PDE1C: variants seen among roughly 807,000 people sequenced by gnomAD.
PDE1C encodes the protein phosphodiesterase 1C.
Under a neutral mutation model 93.1 loss-of-function variants are expected in PDE1C, and 62 were observed. The ratio of observed to expected loss-of-function variants is 0.67; its 90% confidence interval spans 0.54 to 0.82. The LOEUF is 0.82. Among genes scored for constraint, PDE1C ranks in the 40% least tolerant of loss-of-function variants. The pLI, the probability that PDE1C is intolerant of heterozygous loss-of-function variation, is 0.00. For missense variants in PDE1C, 742 were observed against 884.6 expected (o/e 0.84, Z 2.04); for synonymous variants, 325 against 310.1 (o/e 1.05, Z -0.50).
rs776270248 is a variant in PDE1C, at chr7:31,809,128, C to A, written c.1814-20G>T. 1.4e-6 allele frequency: 2 copies of A among 1,386,180 alleles called. No individual in the cohort carries two copies. The highest frequency in any genetic ancestry group is 2.3e-5 in the East Asian group (1 of 43,484). 85.9% of individuals were successfully genotyped at this position (1,386,180 alleles called of 1,614,324 possible). A position where few individuals can be genotyped will look rare whatever the true frequency, so the allele number is the denominator to read the frequency against. On this transcript the variant is annotated intron_variant, in intron 15 of 17. Transcript: ENST00000396191. The stretch of plus-strand genomic sequence containing the variant: ...AGTCACCTGAAAGTAATAAACATGA[C>A]AAACAGTATATGTATGCAGCTGAGG...
chr7:32,127,371 G>A (rs867221950), intron 3 of PDE1C, among the ~76,000 whole-genome samples: 1 of 152,040 alleles, frequency 6.6e-6, no homozygotes, highest in Non-Finnish European at 1.5e-5. Flanking sequence ...TAATGTAGAA[G>A]ACCAATTTAA....
At chr7:32,013,069 A>G (rs1462642473) in intron 2 of PDE1C, among the ~76,000 whole-genome samples, 1 of 152,224 alleles carries the variant, frequency 6.6e-6, no homozygotes, top group Non-Finnish European at 1.5e-5. Flanking sequence ...TGTACAACTC[A>G]TATTTTTAGA....
intron 2 of PDE1C, among the ~76,000 whole-genome samples, chr7:32,024,611 G>A (rs988187822): frequency 6.6e-6 from 1 of 151,964 alleles, no homozygotes; most frequent in Non-Finnish European, 1.5e-5. Flanking sequence ...CAACAACTAA[G>A]AGAGAGCAAA....
the PDE1C span, among the ~76,000 whole-genome samples, chr7:31,732,880 G>A: frequency 2.0e-5 from 3 of 152,122 alleles, no homozygotes; most frequent in Non-Finnish European, 4.4e-5. Context: ...ACTGACTGAC[G>A]AATTAGGTGA....
At chr7:31,971,200 T>C (rs1379305858) in intron 2 of PDE1C, among the ~76,000 whole-genome samples, 1 of 152,210 alleles carries the variant, frequency 6.6e-6, no homozygotes, top group African/African-American at 2.4e-5. Context: ...AGAGGAAATG[T>C]ATCACTGTTG....
chr7:32,361,461 T>C (rs1009216750), intron 1 of PDE1C, among the ~76,000 whole-genome samples: 14 of 152,236 alleles, frequency 9.2e-5, no homozygotes, highest in African/African-American at 3.1e-4. Flanking sequence ...CTTTATTACA[T>C]TTGCTAGGTG....
the PDE1C span, among the ~76,000 whole-genome samples, chr7:31,722,321 T>C: frequency 6.6e-6 from 1 of 152,226 alleles, no homozygotes; most frequent in African/African-American, 2.4e-5. Context: ...TTATGGTCTT[T>C]AACTGAAAGT....
Position 31,906,773 on chromosome 7 carries a change from C to A in PDE1C, c.129-25913G>T, listed in dbSNP as rs560810760. ...CTTTTGCATTTACTAGTTGTATGAC[C>A]TTGAACAAGCTTTTTAAATACCCAA... On this transcript the variant is annotated intron_variant, in intron 2 of 17. Transcript: ENST00000396191. 2.6e-5 allele frequency among the ~76,000 whole-genome samples: 4 copies of A among 152,202 alleles called. No individual in the cohort carries two copies. In the South Asian group the frequency reaches 8.3e-4, roughly 32 times the overall value.
At chr7:31,725,323 C>T in the PDE1C span, among the ~76,000 whole-genome samples, 1 of 152,134 alleles carries the variant, frequency 6.6e-6, no homozygotes, top group Non-Finnish European at 1.5e-5. Context: ...GTGGCCTTGG[C>T]CCTAAAAATG....
chr7:32,033,707 G>C (rs1790640383), intron 2 of PDE1C, among the ~76,000 whole-genome samples: 1 of 152,092 alleles, frequency 6.6e-6, no homozygotes, highest in Non-Finnish European at 1.5e-5. Context: ...ACCCAAGAGA[G>C]AAATTGTCAT....
rs552417757 is a variant in PDE1C, at chr7:32,372,893, A to G, written c.310+54929T>C. Among the ~76,000 whole-genome samples, 3 of 152,380 alleles carry G rather than the reference A, an allele frequency of 2.0e-5. No homozygotes were observed. The East Asian group carries it at 5.8e-4, about 29-fold the overall frequency. Reference sequence around the variant, plus strand: ...ATCATTAGCCATTAGGGAAATGTAAATCAAAACCACAATATCATACCACTG... The same window carrying G: ...ATCATTAGCCATTAGGGAAATGTAAGTCAAAACCACAATATCATACCACTG... On this transcript the variant is annotated intron_variant, in intron 1 of 1. Coordinates refer to the PDE1C transcript ENST00000672256.
At chr7:32,189,978 A>C (rs1804130836) in intron 2 of PDE1C, among the ~76,000 whole-genome samples, 1 of 152,124 alleles carries the variant, frequency 6.6e-6, no homozygotes, top group Admixed American at 6.6e-5. Flanking sequence ...CACATTAAAA[A>C]CTTGGTTGAA....
chr7:32,097,529 A>T (rs537517539), intron 3 of PDE1C, among the ~76,000 whole-genome samples: 1 of 152,232 alleles, frequency 6.6e-6, no homozygotes, highest in Non-Finnish European at 1.5e-5. Context: ...CTCAAAGGTC[A>T]GTAGATCACG....
intron 6 of PDE1C, 136 bp from the exon 7 acceptor site, chr7:31,865,218 A>T (rs1233596842): frequency 1.4e-6 from 1 of 727,712 alleles, no homozygotes; most frequent in African/African-American, 1.8e-5. Context: ...CAGTTAATAA[A>T]AATTACTGAC....
the PDE1C span, chr7:31,651,173 C>A: frequency 6.2e-7 from 1 of 1,613,410 alleles, no homozygotes; most frequent in Admixed American, 1.7e-5. Context: ...GCCATGAAGA[C>A]GATATGCCAA....
At chr7:31,800,531 A>T (rs1785873268) in intron 16 of PDE1C, among the ~76,000 whole-genome samples, 2 of 151,578 alleles carry the variant, frequency 1.3e-5, no homozygotes, top group Admixed American at 1.3e-4. Context: ...TTTATTAAAA[A>T]TAAATAGTCC....
At chr7:32,286,211 G>A (rs1447018046) in intron 1 of PDE1C, among the ~76,000 whole-genome samples, 2 of 152,206 alleles carry the variant, frequency 1.3e-5, no homozygotes, top group East Asian at 3.8e-4. Flanking sequence ...GGAGATGATA[G>A]ATGTCCCAAA....
At chr7:31,646,844 T>G in the PDE1C span, among the ~76,000 whole-genome samples, 48 of 152,310 alleles carry the variant, frequency 3.2e-4, no homozygotes, top group African/African-American at 1.2e-3. Flanking sequence ...TCCTATTGCC[T>G]TCACCTTCTT....
At chr7:32,273,892 G>T (rs1348419202) in intron 1 of PDE1C, among the ~76,000 whole-genome samples, 2 of 152,128 alleles carry the variant, frequency 1.3e-5, no homozygotes, top group African/African-American at 4.8e-5. Flanking sequence ...CTACCTTGTT[G>T]GGTTCCTGAG....
Sources: allele counts gnomAD v4.1 joint callset (sites outside exome capture counted in the v4.1 genomes callset), GRCh38; gene constraint gnomAD v4.1.1; transcripts MANE v1.5; gene names NCBI Gene and HGNC (gene_info 2026-07-23, HGNC 2026-07-21).